Variants in ATG2B observed in about 807,000 individuals in gnomAD.
The protein encoded by ATG2B is autophagy-related protein 2 homolog B.
A neutral mutation model predicts 241.3 loss-of-function variants in ATG2B; 121 were observed. The ratio of observed to expected loss-of-function variants is 0.50; its 90% CI spans 0.43 to 0.58. The LOEUF (loss-of-function observed/expected upper bound fraction) is 0.58, where lower values mean the gene tolerates loss of function less well. Among genes scored for constraint, ATG2B ranks in the 20% least tolerant of loss-of-function variants. The probability of loss-of-function intolerance (pLI) is 0.00; values close to 1 mark genes in which losing one functional copy is unlikely to be tolerated. For synonymous variants in ATG2B, 858 were observed against 876.6 expected, an observed-to-expected ratio of 0.98 and a Z score of 0.37; for missense variants, 2,306 against 2,491.6, an observed-to-expected ratio of 0.93 and a Z score of 1.59.
chr14:96,362,214 T>C lies in ATG2B; in HGVS notation c.162+601A>G, dbSNP rs151226110. ...AAGAGGCATAACTCAACAGCACTACTAGGGCCAGACGACCATTCACAGGCT... is the reference window on the plus strand; with the variant it reads ...AAGAGGCATAACTCAACAGCACTACCAGGGCCAGACGACCATTCACAGGCT... On this transcript the variant is annotated intron_variant, in intron 1 of 41. Transcript: ENST00000359933. Among the ~76,000 whole-genome samples, 9 of 152,226 alleles carry C rather than the reference T, an allele frequency of 5.9e-5. No individual in the cohort carries two copies. In the East Asian group the frequency reaches 1.4e-3, roughly 23 times the overall value.
intron 34 of ATG2B, among the ~76,000 whole-genome samples, chr14:96,301,748 G>A (rs1474554578): frequency 6.6e-6 from 1 of 152,164 alleles, no homozygotes; most frequent in Non-Finnish European, 1.5e-5. Flanking sequence ...GAGTACTTGA[G>A]GATTAGAGAA....
At chr14:96,293,427 T>C (rs1164904601) in intron 36 of ATG2B, among the ~76,000 whole-genome samples, 1 of 152,228 alleles carries the variant, frequency 6.6e-6, no homozygotes, top group Admixed American at 6.5e-5. Flanking sequence ...GTAAACTCAA[T>C]TAAATATTTT....
In ATG2B at chr14:96,289,205, C is replaced by T. The variant is rs1272427497; in HGVS notation, c.6006+451G>A. On this transcript the variant is annotated intron_variant, in intron 41 of 41. Transcript: ENST00000359933. The surrounding 1 kb of genome is among the most constrained non-coding windows in gnomAD (Gnocchi z 4.3). ...TATAAATACATACTAAATAAAAATA[C>T]ATACATAATAAAACTATATAAAAAC... is the stretch of plus-strand genomic sequence containing the variant. Among the ~76,000 whole-genome samples the T allele has an allele frequency of 6.6e-6, 1 of 152,144 alleles. No homozygotes were observed. The highest frequency in any genetic ancestry group is 1.5e-5 in the Non-Finnish European group (1 of 68,032).
intron 11 of ATG2B, among the ~76,000 whole-genome samples, chr14:96,329,961 C>T (rs917904903): frequency 1.3e-5 from 2 of 151,562 alleles, no homozygotes; most frequent in Non-Finnish European, 1.5e-5. Context: ...AAACTTTAGT[C>T]GGTGAAGCCC....
At position 96,333,683 on chromosome 14, in the gene ATG2B, C is replaced by A; in HGVS notation, c.1207+5G>T. Reference sequence around the variant, plus strand: ...ATTCTGGTGTCAACAGTTTGAGTTGCTTACCACGGCTAGAAGGTGTACGAG... The same window carrying A: ...ATTCTGGTGTCAACAGTTTGAGTTGATTACCACGGCTAGAAGGTGTACGAG... On this transcript the variant is annotated splice_donor_5th_base_variant and intron_variant, in intron 8 of 41. Coordinates refer to ENST00000359933, the MANE Select transcript of ATG2B (RefSeq NM_018036.7). 6.2e-7 allele frequency: 1 copy of A among 1,610,848 alleles called. No homozygotes were observed. Among genetic ancestry groups the A allele is most frequent in the Non-Finnish European group, 8.5e-7 (1 of 1,178,638 alleles).
At chr14:96,296,612 T>C (rs899758348) in intron 34 of ATG2B, among the ~76,000 whole-genome samples, 1 of 151,596 alleles carries the variant, frequency 6.6e-6, no homozygotes, top group Non-Finnish European at 1.5e-5. Flanking sequence ...ACACAAAAAA[T>C]TAGCCAGGCG....
chr14:96,332,441 G>A, intron 9 of ATG2B, 31 bp from the exon 10 acceptor site: 1 of 1,612,058 alleles, frequency 6.2e-7, no homozygotes, highest in South Asian at 1.1e-5. Context: ...GCACATGAAT[G>A]AAGTGTAGAA....
intron 1 of ATG2B, among the ~76,000 whole-genome samples, chr14:96,359,359 C>T (rs926396814): frequency 6.6e-6 from 1 of 151,106 alleles, no homozygotes; most frequent in Admixed American, 6.6e-5. Context: ...GTCTGGGTGA[C>T]AGAGTGAGAC....
intron 6 of ATG2B, among the ~76,000 whole-genome samples, chr14:96,338,990 A>G (rs556374252): frequency 1.3e-5 from 2 of 152,280 alleles, no homozygotes; most frequent in Non-Finnish European, 2.9e-5. Context: ...TATATTTCTC[A>G]AAGAAGATAT....
chr14:96,334,261 T>C (rs762859195), intron 7 of ATG2B, 144 bp downstream of exon 7: 13 of 609,248 alleles, frequency 2.1e-5, no homozygotes, highest in Non-Finnish European at 3.4e-5. Flanking sequence ...AATCAAATTT[T>C]ACTACTTAAC....
intron 5 of ATG2B, among the ~76,000 whole-genome samples, chr14:96,342,473 G>A (rs921565665): frequency 2.0e-5 from 3 of 152,170 alleles, no homozygotes; most frequent in African/African-American, 7.2e-5. Context: ...TGTAATCTCA[G>A]CACTTTGGGA....
At chr14:96,346,530 T>C (rs544543762) in intron 2 of ATG2B, among the ~76,000 whole-genome samples, 1 of 152,342 alleles carries the variant, frequency 6.6e-6, no homozygotes, top group African/African-American at 2.4e-5. Flanking sequence ...CTACTAAATA[T>C]AATTTAAACT....
rs1345014679 is a variant in ATG2B at position 96,281,394 on chromosome 14, C to T, written c.*4361G>A. 1.3e-5 allele frequency: 2 copies of T among 152,100 alleles called. No homozygotes were observed. The highest frequency in any genetic ancestry group is 4.8e-5 in the African/African-American group (2 of 41,398). 9.4% of individuals were successfully genotyped at this position (152,100 alleles called of 1,614,324 possible). On this transcript the variant is annotated 3_prime_UTR_variant, in exon 42 of 42. Coordinates refer to ENST00000359933, the MANE Select transcript of ATG2B (RefSeq NM_018036.7). ...TATTCTTATTCACATCCATAATTGCCATAATTAGGAAAAATTAGGAAACTT... is the reference window on the plus strand; with the variant it reads ...TATTCTTATTCACATCCATAATTGCTATAATTAGGAAAAATTAGGAAACTT...
chr14:96,304,412 C>T, intron 32 of ATG2B, 83 bp downstream of exon 32: 1 of 1,011,104 alleles, frequency 9.9e-7, no homozygotes, highest in Non-Finnish European at 1.5e-6. Context: ...ACTTAAGGCT[C>T]AAGACTACGT....
rs776301761 is a variant in ATG2B at position 96,290,435 on chromosome 14, C to G, written c.5856+1G>C. On this transcript the variant is annotated splice_donor_variant, in intron 40 of 41. Transcript: ENST00000359933. LOFTEE classifies it high-confidence loss of function. This position sits in a 1 kb window ranked among gnomAD's most constrained non-coding sequence, Gnocchi z 4.4. ...TAGACTAAGGCAGTCTAAAAAGATA[C>G]CTGTATGGTTTGAACCATTCTGTTT... is the stretch of plus-strand genomic sequence containing the variant. 1 of 1,613,986 alleles carries G rather than the reference C, an allele frequency of 6.2e-7. No individual in the cohort carries two copies.
At chr14:96,324,570 C>T (rs189401658) in intron 15 of ATG2B, among the ~76,000 whole-genome samples, 5 of 152,108 alleles carry the variant, frequency 3.3e-5, no homozygotes, top group South Asian at 2.1e-4. Flanking sequence ...AACTGAGGCA[C>T]GAGAATCGCT....
chr14:96,332,083 T>C (rs766281324), intron 10 of ATG2B, among the ~76,000 whole-genome samples: 14 of 152,114 alleles, frequency 9.2e-5, no homozygotes, highest in Non-Finnish European at 1.8e-4. Context: ...AGTGTACTTT[T>C]AACTAAAAAT....
intron 34 of ATG2B, among the ~76,000 whole-genome samples, chr14:96,300,393 G>T (rs1281126975): frequency 1.3e-5 from 2 of 152,110 alleles, no homozygotes; most frequent in Non-Finnish European, 2.9e-5. Flanking sequence ...GGACATGGTG[G>T]TATGCGCCTA....
At chr14:96,329,853 AT>A (rs1887685651) in intron 11 of ATG2B, among the ~76,000 whole-genome samples, 1 of 152,198 alleles carries the variant, frequency 6.6e-6, no homozygotes, top group African/African-American at 2.4e-5. Flanking sequence ...CGTCTTCCAC[AT>A]TTAAAAATTT....
Sources: gnomAD v4.1 joint callset for allele counts (sites outside exome capture counted in the v4.1 genomes callset) on GRCh38, gnomAD v4.1.1 for gene constraint, Gnocchi (gnomAD v3.1) non-coding constraint, MANE v1.5 for transcripts, NCBI Gene and HGNC (gene_info 2026-07-23, HGNC 2026-07-21) for gene names.